Variants in LRRC4C observed in about 807,000 individuals in gnomAD.
LRRC4C encodes the protein leucine rich repeat containing 4C.
LRRC4C carries 5 observed loss-of-function variants against 33.6 expected under a neutral mutation model. The ratio of observed to expected loss-of-function variants is 0.15; its 90% confidence interval spans 0.08 to 0.31. LRRC4C has a LOEUF of 0.31. Among genes scored for constraint, LRRC4C ranks in the 10% least tolerant of loss-of-function variants. The probability of loss-of-function intolerance (pLI) is 1.00; values close to 1 mark genes in which losing one functional copy is unlikely to be tolerated. For synonymous variants in LRRC4C, 329 were observed against 302.0 expected, an observed-to-expected ratio of 1.09 and a Z score of -0.93; for missense variants, 560 against 796.7, an observed-to-expected ratio of 0.70 and a Z score of 3.58.
chr11:40,761,650 T>C (rs1011554089), intron 2 of LRRC4C, among the ~76,000 whole-genome samples: 9 of 152,174 alleles, frequency 5.9e-5, no homozygotes, highest in South Asian at 2.1e-4. Context: ...CTTATTATTA[T>C]TATTTTCAAG....
intron 2 of LRRC4C, among the ~76,000 whole-genome samples, chr11:40,916,527 T>A (rs1020726741): frequency 6.6e-6 from 1 of 151,876 alleles, no homozygotes; most frequent in Non-Finnish European, 1.5e-5. Context: ...AAGGGGAACA[T>A]CACACAGCGG....
intron 1 of LRRC4C, among the ~76,000 whole-genome samples, chr11:41,411,447 C>G (rs1377042216): frequency 6.6e-6 from 1 of 151,912 alleles, no homozygotes; most frequent in Non-Finnish European, 1.5e-5. Flanking sequence ...CGCGCCCAGC[C>G]TTGGTTGGTA....
chr11:41,119,052 A>C (rs555965956), intron 1 of LRRC4C, among the ~76,000 whole-genome samples: 2 of 152,192 alleles, frequency 1.3e-5, no homozygotes, highest in Admixed American at 1.3e-4. Context: ...AAAGGGTACC[A>C]TGCTTTAACA....
chr11:40,332,841 T>C (rs1946423414), intron 3 of LRRC4C, among the ~76,000 whole-genome samples: 2 of 152,352 alleles, frequency 1.3e-5, no homozygotes, highest in South Asian at 4.1e-4. Context: ...AAATAGAGTT[T>C]CCTTCATCTT....
intron 3 of LRRC4C, among the ~76,000 whole-genome samples, chr11:40,346,514 A>G (rs551496044): frequency 1.4e-4 from 21 of 152,330 alleles, no homozygotes; most frequent in African/African-American, 4.6e-4. Context: ...ACACATGGAC[A>G]CACAGAGGGG....
At position 40,128,727 on chromosome 11, in the gene LRRC4C, C is replaced by T. The variant is rs1856438251; in HGVS notation, c.-43+12074G>A. ...GCCTTTCGTGGTTTCTCAAAAGATT[C>T]AGCCTTGTTCCCGCCTCAGGACCTT... On this transcript the variant is annotated intron_variant, in intron 6 of 6. Transcript: ENST00000528697. Among the ~76,000 whole-genome samples the T allele has an allele frequency of 3.9e-5, 6 of 152,072 alleles. No individual in the cohort carries two copies. In the South Asian group the frequency reaches 1.2e-3, roughly 32 times the overall value.
intron 1 of LRRC4C, among the ~76,000 whole-genome samples, chr11:41,047,217 T>C (rs1857836220): frequency 6.6e-6 from 1 of 152,100 alleles, no homozygotes; most frequent in Non-Finnish European, 1.5e-5. Flanking sequence ...AAAATTTGAA[T>C]AGACATTCTA....
intron 1 of LRRC4C, among the ~76,000 whole-genome samples, chr11:40,991,663 A>G (rs1160215279): frequency 3.3e-5 from 5 of 152,150 alleles, no homozygotes; most frequent in Non-Finnish European, 7.4e-5. Context: ...GGGTGATGGG[A>G]GACAGTGACA....
At chr11:41,298,286 G>T (rs918745759) in intron 1 of LRRC4C, among the ~76,000 whole-genome samples, 1 of 152,096 alleles carries the variant, frequency 6.6e-6, no homozygotes, top group African/African-American at 2.4e-5. Flanking sequence ...AGGGAAGAAG[G>T]TCTCTCTCCT....
intron 5 of LRRC4C, among the ~76,000 whole-genome samples, chr11:40,145,560 T>G (rs908750938): frequency 6.6e-5 from 10 of 152,196 alleles, no homozygotes; most frequent in African/African-American, 2.4e-4. Context: ...GGACCTTATC[T>G]ATTGATTACC....
At chr11:41,005,371 A>C (rs970892712) in intron 1 of LRRC4C, among the ~76,000 whole-genome samples, 3 of 152,152 alleles carry the variant, frequency 2.0e-5, no homozygotes, top group African/African-American at 7.2e-5. Flanking sequence ...TGGGAGGCCA[A>C]GGTGGGTGGA....
At chr11:41,086,836 A>G (rs1253299759) in intron 1 of LRRC4C, among the ~76,000 whole-genome samples, 1 of 151,894 alleles carries the variant, frequency 6.6e-6, no homozygotes, top group Non-Finnish European at 1.5e-5. Flanking sequence ...CTGTCGATGT[A>G]TGGAATAAAG....
At chr11:40,343,448 T>C (rs1445378755) in intron 3 of LRRC4C, among the ~76,000 whole-genome samples, 1 of 152,094 alleles carries the variant, frequency 6.6e-6, no homozygotes, top group African/African-American at 2.4e-5. Flanking sequence ...ATACAGATTA[T>C]TCAGTCACCC....
chr11:40,558,931 C>A (rs1957436214), intron 3 of LRRC4C, among the ~76,000 whole-genome samples: 1 of 152,112 alleles, frequency 6.6e-6, no homozygotes, highest in Non-Finnish European at 1.5e-5. Context: ...TCATTTAGCT[C>A]CGACTTGTAA....
intron 1 of LRRC4C, among the ~76,000 whole-genome samples, chr11:41,184,053 G>A (rs981759795): frequency 1.3e-5 from 2 of 152,148 alleles, no homozygotes; most frequent in African/African-American, 2.4e-5. Context: ...TTCCCAGGCT[G>A]CACACAGCAC....
At chr11:40,936,054 ATATATATAT>A (rs1957878629) in intron 1 of LRRC4C, among the ~76,000 whole-genome samples, 1 of 95,112 alleles carries the variant, frequency 1.1e-5, no homozygotes. Flanking sequence ...ATATATATAT[ATATATATAT>A]ATAACATAGT....
intron 3 of LRRC4C, among the ~76,000 whole-genome samples, chr11:40,639,829 G>A (rs1942000145): frequency 6.6e-6 from 1 of 152,146 alleles, no homozygotes; most frequent in Non-Finnish European, 1.5e-5. Flanking sequence ...CAGCATATTT[G>A]TCACCGGATA....
Position 41,333,663 on chromosome 11 carries a change from GC to G in LRRC4C, c.-496+125767del, listed in dbSNP as rs558177357. ...GGCATTAAAGCAAGTGAGCTAAATG[GC>G]CTTTTATTCAGTGATATTTTTGCAG... is the stretch of plus-strand genomic sequence containing the variant. On this transcript the variant is annotated intron_variant, in intron 1 of 6. Coordinates refer to ENST00000528697, the MANE Select transcript of LRRC4C (RefSeq NM_001258419.2). Among the ~76,000 whole-genome samples the G allele has an allele frequency of 2.4e-3, 370 of 152,122 alleles. 1 individual carries two copies. The highest frequency in any genetic ancestry group is 3.2e-3 in the Non-Finnish European group (217 of 67,978).
intron 1 of LRRC4C, among the ~76,000 whole-genome samples, chr11:41,208,338 G>A (rs972020557): frequency 6.6e-6 from 1 of 152,204 alleles, no homozygotes; most frequent in Non-Finnish European, 1.5e-5. Flanking sequence ...TAAAATGAGA[G>A]CGGAAAGAGA....
Sources: gnomAD v4.1 joint callset for allele counts (sites outside exome capture counted in the v4.1 genomes callset) on GRCh38, gnomAD v4.1.1 for gene constraint, MANE v1.5 for transcripts, NCBI Gene and HGNC (gene_info 2026-07-23, HGNC 2026-07-21) for gene names.